PPM1E: variants seen among roughly 807,000 people sequenced by gnomAD.
PPM1E encodes protein phosphatase 1E.
In PPM1E, 20 loss-of-function variants were observed where a neutral mutation model predicts 65.9. That is an observed-to-expected ratio of 0.30 (90% CI 0.21 to 0.44). The LOEUF (loss-of-function observed/expected upper bound fraction) is 0.44, where lower values mean the gene tolerates loss of function less well. Ranked by LOEUF, PPM1E falls within the 20% of genes least tolerant of loss-of-function variation. The pLI is 1.00. For synonymous variants in PPM1E, 352 were observed against 374.9 expected, an observed-to-expected ratio of 0.94 and a Z score of 0.70; for missense variants, 713 against 953.1, an observed-to-expected ratio of 0.75 and a Z score of 3.32.
chr17:58,829,644 T>C (rs1317916444), intron 1 of PPM1E, among the ~76,000 whole-genome samples: 1 of 152,196 alleles, frequency 6.6e-6, no homozygotes, highest in Admixed American at 6.5e-5. Context: ...TTCTTTTTCA[T>C]CAGAGCCTCA....
chr17:58,955,824 G>C, intron 2 of PPM1E, 57 bp downstream of exon 2: 3 of 1,492,992 alleles, frequency 2.0e-6, no homozygotes, highest in Non-Finnish European at 2.7e-6. Context: ...ATATGTAGTG[G>C]TCCACAGAAA....
rs891279545 is a variant in PPM1E, at chr17:58,982,757, G to A, written c.*1726G>A. 6.9e-6 allele frequency: 4 copies of A among 576,488 alleles called. No homozygotes were observed. Among genetic ancestry groups the A allele is most frequent in the Non-Finnish European group, 1.2e-5 (4 of 332,414 alleles). The allele number at this position is 576,488 out of a possible 1,614,324, so 35.7% of individuals were successfully genotyped here. A position where few individuals can be genotyped will look rare whatever the true frequency, so the allele number is the denominator to read the frequency against. ...AGTCATTTCTTCTTCTCACGTCTGT[G>A]ACAAATGGTTGAAAAGGAGTCAACA... On this transcript the variant is annotated 3_prime_UTR_variant, in exon 7 of 7. Transcript: ENST00000308249.
At chr17:58,888,890 A>G (rs556305757) in intron 1 of PPM1E, among the ~76,000 whole-genome samples, 3 of 152,326 alleles carry the variant, frequency 2.0e-5, no homozygotes, top group East Asian at 3.9e-4. Flanking sequence ...AAAAAGTGTC[A>G]TTATGAATTT....
chr17:58,954,500 T>C (rs1008542652), intron 1 of PPM1E, among the ~76,000 whole-genome samples: 6 of 152,188 alleles, frequency 3.9e-5, no homozygotes, highest in Non-Finnish European at 8.8e-5. Flanking sequence ...CCTCTGACTT[T>C]ATTCTGTGCC....
chr17:58,802,701 A>AT (rs748265412), intron 1 of PPM1E, among the ~76,000 whole-genome samples: 1 of 152,042 alleles, frequency 6.6e-6, no homozygotes. Context: ...TGTGTCTTCA[A>AT]TTTTTTAATC....
At chr17:58,860,621 G>C (rs557981701) in intron 1 of PPM1E, among the ~76,000 whole-genome samples, 1 of 152,302 alleles carries the variant, frequency 6.6e-6, no homozygotes, top group South Asian at 2.1e-4. Flanking sequence ...CTTGATTTCA[G>C]TTGGGGCAGT....
intron 1 of PPM1E, among the ~76,000 whole-genome samples, chr17:58,778,099 ATTT>A (rs906103779): frequency 6.7e-6 from 1 of 149,084 alleles, no homozygotes; most frequent in Admixed American, 6.7e-5. Flanking sequence ...ACACACAGCT[ATTT>A]TTTTTTTATT....
At position 58,982,549 on chromosome 17, in the gene PPM1E, G is replaced by A. The variant is rs921280872; in HGVS notation, c.*1518G>A. Reference sequence around the variant, plus strand: ...CACGTTCCCCAGGCCCATAACAGAGGACTAAAATCTCTGAATTTTAAAGAC... The same window carrying A: ...CACGTTCCCCAGGCCCATAACAGAGAACTAAAATCTCTGAATTTTAAAGAC... On this transcript the variant is annotated 3_prime_UTR_variant, in exon 7 of 7. Coordinates refer to ENST00000308249, the MANE Select transcript of PPM1E (RefSeq NM_014906.5). 1 of 231,866 alleles carries A rather than the reference G, an allele frequency of 4.3e-6. No homozygotes were observed. The highest frequency in any genetic ancestry group is 2.3e-5 in the African/African-American group (1 of 43,392). The allele number at this position is 231,866 out of a possible 1,614,324, so 14.4% of individuals were successfully genotyped here.
chr17:58,953,965 T>C (rs1438808025), intron 1 of PPM1E, among the ~76,000 whole-genome samples: 1 of 152,204 alleles, frequency 6.6e-6, no homozygotes, highest in East Asian at 1.9e-4. Flanking sequence ...AGGCAAGTCT[T>C]GAACTCCTGA....
chr17:58,830,275 C>CTGT lies in PPM1E; in HGVS notation c.464+73831_464+73833dup, dbSNP rs570368314. ...TTAGTCTGTTGTCCCTCAGCTTTCA[C>CTGT]TGTTGTTGTTGTTGTTGTTATTATT... On this transcript the variant is annotated intron_variant, in intron 1 of 6. Transcript: ENST00000308249. Among the ~76,000 whole-genome samples the CTGT allele has an allele frequency of 7.9e-3, 1,122 of 141,496 alleles. 12 individuals are homozygous for CTGT. The highest frequency in any genetic ancestry group is 0.025 in the African/African-American group (962 of 37,930). 92.8% of individuals were successfully genotyped at this position (141,496 alleles called of 152,430 possible).
chr17:58,812,324 AAAAAAG>A (rs2050377073), intron 1 of PPM1E, among the ~76,000 whole-genome samples: 1 of 150,788 alleles, frequency 6.6e-6, no homozygotes, highest in African/African-American at 2.4e-5. Context: ...AAAAAAAAAA[AAAAAAG>A]AATAGGGAGT....
intron 6 of PPM1E, among the ~76,000 whole-genome samples, chr17:58,973,254 A>C (rs2030756107): frequency 6.6e-6 from 1 of 151,874 alleles, no homozygotes; most frequent in Non-Finnish European, 1.5e-5. Flanking sequence ...CATCTCTATT[A>C]AAAATACAAA....
intron 1 of PPM1E, among the ~76,000 whole-genome samples, chr17:58,938,918 A>G (rs900380562): frequency 2.0e-5 from 3 of 150,894 alleles, no homozygotes; most frequent in Non-Finnish European, 4.4e-5. Flanking sequence ...CCGCCAGAGT[A>G]GCTGGGATTA....
rs541775716 is a variant in PPM1E, at chr17:58,829,087, G to A, written c.464+72626G>A. On this transcript the variant is annotated intron_variant, in intron 1 of 6. Coordinates refer to ENST00000308249, the MANE Select transcript of PPM1E (RefSeq NM_014906.5). Reference sequence around the variant, plus strand: ...GACGGAGTTTCACTCTAGTTGCCCCGGCTGGAGTGCAATGGCGCAATCTCA... The same window carrying A: ...GACGGAGTTTCACTCTAGTTGCCCCAGCTGGAGTGCAATGGCGCAATCTCA... Among the ~76,000 whole-genome samples the A allele has an allele frequency of 6.6e-5, 10 of 151,250 alleles. No individual in the cohort carries two copies. The South Asian group carries it at 1.9e-3, about 29-fold the overall frequency.
At chr17:58,894,009 G>A (rs1567866949) in intron 1 of PPM1E, among the ~76,000 whole-genome samples, 1 of 152,084 alleles carries the variant, frequency 6.6e-6, no homozygotes, top group Non-Finnish European at 1.5e-5. Context: ...AAGAGTTCAA[G>A]TTGCAGTGAA....
intron 1 of PPM1E, among the ~76,000 whole-genome samples, chr17:58,926,385 C>A (rs1271791876): frequency 6.7e-6 from 1 of 149,614 alleles, no homozygotes; most frequent in Non-Finnish European, 1.5e-5. Flanking sequence ...TTGGTTGTCT[C>A]TGATGAATAG....
At chr17:58,931,388 A>G (rs1219263660) in intron 1 of PPM1E, among the ~76,000 whole-genome samples, 1 of 151,736 alleles carries the variant, frequency 6.6e-6, no homozygotes, top group African/African-American at 2.4e-5. Flanking sequence ...CTACATCACA[A>G]AAAAAGGAAG....
At chr17:58,943,212 C>G (rs572144702) in intron 1 of PPM1E, among the ~76,000 whole-genome samples, 59 of 151,762 alleles carry the variant, frequency 3.9e-4, no homozygotes, top group Non-Finnish European at 7.2e-4. Flanking sequence ...ATAAAAATTC[C>G]AAATCTCCAT....
At chr17:58,882,238 A>G (rs1013876827) in intron 1 of PPM1E, among the ~76,000 whole-genome samples, 9 of 152,124 alleles carry the variant, frequency 5.9e-5, no homozygotes, top group Admixed American at 5.9e-4. Context: ...TTCCTCTTCT[A>G]TCTTATTCCC....
Sources: allele counts gnomAD v4.1 joint callset (sites outside exome capture counted in the v4.1 genomes callset), GRCh38; gene constraint gnomAD v4.1.1; transcripts MANE v1.5; gene names NCBI Gene and HGNC (gene_info 2026-07-23, HGNC 2026-07-21).